Variants in COL26A1 observed in about 807,000 individuals in gnomAD.
COL26A1 encodes collagen type XXVI alpha 1 chain.
In COL26A1, 41 loss-of-function variants were observed where a neutral mutation model predicts 59.3. That is an observed-to-expected ratio of 0.69 (90% CI 0.54 to 0.90). COL26A1 has a LOEUF of 0.90. Ranked by LOEUF, COL26A1 falls within the 40% of genes least tolerant of loss-of-function variation. The pLI is 0.00. For synonymous variants in COL26A1, 266 were observed against 256.0 expected (o/e 1.04, Z -0.37); for missense variants, 612 against 602.3 (o/e 1.02, Z -0.17).
At chr7:101,398,744 C>G (rs556153717) in intron 1 of COL26A1, among the ~76,000 whole-genome samples, 16 of 152,274 alleles carry the variant, frequency 1.1e-4, no homozygotes, top group East Asian at 1.9e-4. Context: ...CCCAAAGCAG[C>G]GCGTAGAGTT....
chr7:101,510,899 T>TTTCA (rs199573788), intron 3 of COL26A1, among the ~76,000 whole-genome samples: 1 of 123,870 alleles, frequency 8.1e-6, no homozygotes, highest in Non-Finnish European at 1.7e-5. Context: ...TCTTTCTTTC[T>TTTCA]TTTTTTTTTT....
chr7:101,486,350 G>C (rs1046835551), intron 3 of COL26A1, among the ~76,000 whole-genome samples: 1 of 152,200 alleles, frequency 6.6e-6, no homozygotes. Flanking sequence ...GCCTGAGGCT[G>C]TCCGTGTCAT....
intron 2 of COL26A1, among the ~76,000 whole-genome samples, chr7:101,427,120 A>G (rs1240420009): frequency 1.4e-4 from 21 of 152,254 alleles, no homozygotes; most frequent in Admixed American, 1.3e-3. Context: ...GTGCAGTGGC[A>G]CAATCATAGC....
intron 2 of COL26A1, among the ~76,000 whole-genome samples, chr7:101,435,576 T>C (rs1792894841): frequency 1.3e-5 from 2 of 152,092 alleles, no homozygotes; most frequent in Admixed American, 6.6e-5. Flanking sequence ...CTGGGCTCTG[T>C]TCATTGCAGT....
At chr7:101,549,349 G>A (rs181385048) in intron 9 of COL26A1, 126 bp downstream of exon 9, 2 of 601,772 alleles carry the variant, frequency 3.3e-6, no homozygotes, top group Non-Finnish European at 5.9e-6. Context: ...AGTCGGCCTG[G>A]CCGGTGAGAT....
intron 3 of COL26A1, among the ~76,000 whole-genome samples, chr7:101,481,458 A>AT (rs1244015092): frequency 6.7e-6 from 1 of 148,834 alleles, no homozygotes; most frequent in Non-Finnish European, 1.5e-5. Flanking sequence ...ATATATATAT[A>AT]TATATATATA....
chr7:101,544,185 C>T (rs1025981364), intron 6 of COL26A1, 89 bp downstream of exon 6: 6 of 956,126 alleles, frequency 6.3e-6, no homozygotes, highest in East Asian at 2.6e-5. Flanking sequence ...GTGTCCCACG[C>T]ACCCACAGCC....
intron 3 of COL26A1, among the ~76,000 whole-genome samples, chr7:101,471,549 TTTGTTG>T (rs1192040668): frequency 7.3e-5 from 11 of 151,196 alleles, no homozygotes; most frequent in Admixed American, 3.3e-4. Context: ...AGAATAATGT[TTTGTTG>T]TTGTTGTTGT....
rs190330533 is a variant in COL26A1, at chr7:101,438,451, A to C, written c.282-9233A>C. ...AGGGAGGCAGATGGGGTATATGTGG[A>C]AAGATGGGGTATATGCAGTCAAGGG... On this transcript the variant is annotated intron_variant, in intron 2 of 12. Coordinates refer to ENST00000313669, the MANE Select transcript of COL26A1 (RefSeq NM_001278563.3). 1.4e-3 allele frequency among the ~76,000 whole-genome samples: 215 copies of C among 151,662 alleles called. 4 individuals are homozygous for C. The highest frequency in any genetic ancestry group is 1.1e-3 in the Non-Finnish European group (77 of 67,672).
At chr7:101,370,784 G>A (rs1255989485) in intron 1 of COL26A1, among the ~76,000 whole-genome samples, 4 of 152,096 alleles carry the variant, frequency 2.6e-5, no homozygotes, top group Non-Finnish European at 5.9e-5. Context: ...CACTCAAAAT[G>A]CCTCCCTCTT....
chr7:101,463,984 G>A (rs1181372889), intron 3 of COL26A1, among the ~76,000 whole-genome samples: 1 of 104,436 alleles, frequency 9.6e-6, no homozygotes, highest in East Asian at 2.7e-4. Context: ...TCCTTTTTTT[G>A]TGACAGGGTC....
chr7:101,389,060 C>T (rs11977014), intron 1 of COL26A1: 3,690 of 232,824 alleles, frequency 0.016, 156 homozygotes, highest in African/African-American at 0.079. Context: ...CAGAATCAGC[C>T]TTCTTGGCTT....
rs1015753560 is a variant in COL26A1, at chr7:101,426,323, C to T, written c.281+6224C>T. Among the ~76,000 whole-genome samples the T allele has an allele frequency of 4.6e-5, 7 of 152,126 alleles. No homozygotes were observed. In the East Asian group the frequency reaches 7.7e-4, roughly 17 times the overall value. ...TGGCTTGTGTCATCACTATAAATGA[C>T]GTTACCAAAAGAAGCTTCAATAACG... On this transcript the variant is annotated intron_variant, in intron 2 of 12. Transcript: ENST00000313669.
intron 6 of COL26A1, among the ~76,000 whole-genome samples, chr7:101,544,775 T>G (rs1584502730): frequency 6.6e-6 from 1 of 151,242 alleles, no homozygotes; most frequent in East Asian, 2.0e-4. Flanking sequence ...TCAGGTGACC[T>G]GCCTGCCTTG....
Position 101,475,762 on chromosome 7 carries a change from CTTTCTCTT to C in COL26A1, c.385+27977_385+27984del, listed in dbSNP as rs1215194072. 7.1e-5 allele frequency among the ~76,000 whole-genome samples: 10 copies of C among 141,520 alleles called. 1 individual carries two copies. The highest frequency in any genetic ancestry group is 2.7e-4 in the African/African-American group (10 of 37,722). The allele number at this position is 141,520 out of a possible 152,430, so 92.8% of individuals were successfully genotyped here. A position where few individuals can be genotyped will look rare whatever the true frequency, so the allele number is the denominator to read the frequency against. ...TTCCTTCCTTCCTTCCTTTTTCTTTCTTTCTCTTTCTTTCTTTCTTTCTTTCCTTCCTT... is the reference window on the plus strand; with the variant it reads ...TTCCTTCCTTCCTTCCTTTTTCTTTCTCTTTCTTTCTTTCTTTCCTTCCTT... On this transcript the variant is annotated intron_variant, in intron 3 of 12. Transcript: ENST00000313669.
chr7:101,487,614 A>C (rs1794295784), intron 3 of COL26A1, among the ~76,000 whole-genome samples: 1 of 151,224 alleles, frequency 6.6e-6, no homozygotes, highest in Non-Finnish European at 1.5e-5. Context: ...AGGGTCCAGG[A>C]CTCTCCTCCC....
At chr7:101,404,592 T>A (rs1792085156) in intron 1 of COL26A1, among the ~76,000 whole-genome samples, 1 of 152,184 alleles carries the variant, frequency 6.6e-6, no homozygotes, top group African/African-American at 2.4e-5. Flanking sequence ...GCATAGCAGA[T>A]GTTACCATTA....
At chr7:101,524,044 C>T (rs982841111) in intron 3 of COL26A1, among the ~76,000 whole-genome samples, 8 of 152,008 alleles carry the variant, frequency 5.3e-5, no homozygotes, top group Non-Finnish European at 8.8e-5. Flanking sequence ...CTCAAGTGGG[C>T]GGATCACTTT....
chr7:101,392,482 A>G (rs1791757468), intron 1 of COL26A1, among the ~76,000 whole-genome samples: 1 of 144,368 alleles, frequency 6.9e-6, no homozygotes, highest in Non-Finnish European at 1.5e-5. Flanking sequence ...GCTCACTGCA[A>G]CCTCCGCCTC....
Sources: gnomAD v4.1 joint callset for allele counts (sites outside exome capture counted in the v4.1 genomes callset) on GRCh38, gnomAD v4.1.1 for gene constraint, MANE v1.5 for transcripts, NCBI Gene and HGNC (gene_info 2026-07-23, HGNC 2026-07-21) for gene names.